Variants in HGF observed in about 807,000 individuals in gnomAD.
HGF encodes fibroblast-derived tumor cytotoxic factor.
HGF carries 39 observed loss-of-function variants against 111.6 expected under a neutral mutation model. The observed-to-expected ratio is 0.35, with a 90% confidence interval of 0.27 to 0.46. HGF has a LOEUF of 0.46. HGF is among the 20% of genes least tolerant of loss of function. The probability of loss-of-function intolerance (pLI) is 1.00; values close to 1 mark genes in which losing one functional copy is unlikely to be tolerated. For synonymous variants in HGF, 285 were observed against 294.8 expected, an observed-to-expected ratio of 0.97 and a Z score of 0.34; for missense variants, 735 against 910.5, an observed-to-expected ratio of 0.81 and a Z score of 2.48.
At chr7:81,762,893 T>TA (rs759970496) in intron 1 of HGF, 21 bp from the exon 2 acceptor site, 82 of 1,348,666 alleles carry the variant, frequency 6.1e-5, no homozygotes, top group Non-Finnish European at 7.8e-5. Flanking sequence ...CAAAATGTTT[T>TA]AAAAAAATAA....
intron 17 of HGF, among the ~76,000 whole-genome samples, chr7:81,703,408 T>C (rs1789339295): frequency 6.6e-6 from 1 of 151,106 alleles, no homozygotes; most frequent in Non-Finnish European, 1.5e-5. Context: ...TTATATTTTA[T>C]ACCCTCCTTT....
intron 1 of HGF, among the ~76,000 whole-genome samples, chr7:81,767,316 A>G (rs1789413125): frequency 6.6e-6 from 1 of 152,000 alleles, no homozygotes; most frequent in African/African-American, 2.4e-5. Flanking sequence ...AACACCACAT[A>G]GTTCATTCAC....
rs901406574 is a variant in HGF at position 81,752,275 on chromosome 7, T to G, written c.483-13A>C. 1 of 1,612,514 alleles carries G rather than the reference T, an allele frequency of 6.2e-7. No individual in the cohort carries two copies. Among genetic ancestry groups the G allele is most frequent in the Non-Finnish European group, 8.5e-7 (1 of 1,178,628 alleles). On this transcript the variant is annotated splice_polypyrimidine_tract_variant and intron_variant, in intron 4 of 17. Transcript: ENST00000222390. The stretch of plus-strand genomic sequence containing the variant: ...CGAAGGCAAAAAGCTAGTTTTAAAA[T>G]GATAATCATTACAGTATAAGAGCAT...
intron 4 of HGF, among the ~76,000 whole-genome samples, chr7:81,753,614 G>A (rs1389537909): frequency 1.3e-5 from 2 of 151,948 alleles, no homozygotes; most frequent in East Asian, 3.9e-4. Context: ...TTTGACATGA[G>A]TGTATTCTAG....
chr7:81,742,809 A>G (rs1208612523), intron 7 of HGF: 6 of 1,552,864 alleles, frequency 3.9e-6, no homozygotes, highest in Non-Finnish European at 5.2e-6. Flanking sequence ...GCTGGGTACA[A>G]AGACAGCGAG....
At chr7:81,761,343 C>T (rs1336849108) in intron 2 of HGF, among the ~76,000 whole-genome samples, 1 of 152,156 alleles carries the variant, frequency 6.6e-6, no homozygotes, top group South Asian at 2.1e-4. Flanking sequence ...AAATGGAAAG[C>T]AGACAGTCTT....
At chr7:81,762,329 G>T (rs1354315501) in intron 2 of HGF, among the ~76,000 whole-genome samples, 2 of 152,114 alleles carry the variant, frequency 1.3e-5, no homozygotes, top group African/African-American at 4.8e-5. Flanking sequence ...TTTGGCTGCT[G>T]CCCAAATTCT....
In HGF at chr7:81,699,816, C is replaced by A. The variant is rs1431937127; in HGVS notation, c.*2765G>T. ...AATTTTCTTGCCTTCCAGTGTCTCA[C>A]ACTTCCCATAATTTGAAACACTTAG... On this transcript the variant is annotated 3_prime_UTR_variant, in exon 18 of 18. Transcript: ENST00000222390. 1 of 151,642 alleles carries A rather than the reference C, an allele frequency of 6.6e-6. No individual in the cohort carries two copies. The highest frequency in any genetic ancestry group is 6.6e-5 in the Admixed American group (1 of 15,160). The allele number at this position is 151,642 out of a possible 1,614,324, so 9.4% of individuals were successfully genotyped here.
intron 11 of HGF, among the ~76,000 whole-genome samples, chr7:81,714,496 C>T (rs572711954): frequency 6.6e-6 from 1 of 152,016 alleles, no homozygotes; most frequent in African/African-American, 2.4e-5. Context: ...TGGTAACTTG[C>T]CCAAGGTACT....
intron 10 of HGF, among the ~76,000 whole-genome samples, 162 bp from the exon 11 acceptor site, chr7:81,717,527 G>T (rs1213919221): frequency 2.0e-5 from 3 of 152,024 alleles, no homozygotes; most frequent in Non-Finnish European, 4.4e-5. Context: ...GGTCTGTTTG[G>T]TTGCTACTGT....
chr7:81,733,823 C>T (rs1189567993), intron 7 of HGF, among the ~76,000 whole-genome samples: 1 of 152,110 alleles, frequency 6.6e-6, no homozygotes, highest in African/African-American at 2.4e-5. Context: ...AATGTTTGAT[C>T]TTTGCTGCTC....
rs1385677430 is a variant in HGF at position 81,701,669 on chromosome 7, C to A, written c.*912G>T. 1 of 151,472 alleles carries A rather than the reference C, an allele frequency of 6.6e-6. No homozygotes were observed. Among genetic ancestry groups the A allele is most frequent in the Non-Finnish European group, 1.5e-5 (1 of 67,642 alleles). The allele number at this position is 151,472 out of a possible 1,614,324, so 9.4% of individuals were successfully genotyped here. Reference sequence around the variant, plus strand: ...ACAAATATCTTGTGTAAATAAGTGGCCTTAAGTTTGGAGGAAACAAATTAC... The same window carrying A: ...ACAAATATCTTGTGTAAATAAGTGGACTTAAGTTTGGAGGAAACAAATTAC... On this transcript the variant is annotated 3_prime_UTR_variant, in exon 18 of 18. Transcript: ENST00000222390.
At chr7:81,747,100 A>G (rs1372894264) in intron 5 of HGF, among the ~76,000 whole-genome samples, 1 of 152,166 alleles carries the variant, frequency 6.6e-6, no homozygotes, top group African/African-American at 2.4e-5. Context: ...GCACTTTGGG[A>G]GGCCAAGATG....
intron 11 of HGF, among the ~76,000 whole-genome samples, chr7:81,711,746 C>T (rs1054749875): frequency 1.3e-5 from 2 of 152,170 alleles, no homozygotes; most frequent in East Asian, 1.9e-4. Flanking sequence ...CAGGTTCAAG[C>T]GATTCTCCTG....
In HGF at chr7:81,764,190, C is replaced by A. The variant is rs1041099526; in HGVS notation, c.89-1318G>T. ...GTGAGGTACCAAAAATGCCATCATA[C>A]TCTAAGTTTGTCAGCAACCACTGGC... On this transcript the variant is annotated intron_variant, in intron 1 of 17. Transcript: ENST00000222390. 5.3e-5 allele frequency among the ~76,000 whole-genome samples: 8 copies of A among 152,184 alleles called. No homozygotes were observed. In the South Asian group the frequency reaches 1.7e-3, roughly 32 times the overall value.
At chr7:81,722,539 G>A (rs185180405) in intron 9 of HGF, among the ~76,000 whole-genome samples, 37 of 151,768 alleles carry the variant, frequency 2.4e-4, no homozygotes, top group Non-Finnish European at 4.7e-4. Context: ...TTGGTCAGGC[G>A]CGGTGGCTCA....
intron 5 of HGF, among the ~76,000 whole-genome samples, chr7:81,745,502 T>C (rs1343459130): frequency 6.6e-6 from 1 of 152,188 alleles, no homozygotes; most frequent in Non-Finnish European, 1.5e-5. Context: ...CACAATAGTG[T>C]TTCTCTCTCA....
In HGF at chr7:81,699,412, A is replaced by G. The variant is rs1188164978; in HGVS notation, c.*3169T>C. On this transcript the variant is annotated 3_prime_UTR_variant, in exon 18 of 18. Coordinates refer to ENST00000222390, the MANE Select transcript of HGF (RefSeq NM_000601.6). ...ATGACAAGTGATTTATTTTAAAATT[A>G]TGTATTTTAAAAACAAAGGCCATGT... The G allele has an allele frequency of 6.6e-6, 1 of 151,610 alleles. No homozygotes were observed. Among genetic ancestry groups the G allele is most frequent in the Admixed American group, 6.6e-5 (1 of 15,166 alleles). The allele number at this position is 151,610 out of a possible 1,614,324, so 9.4% of individuals were successfully genotyped here.
At position 81,769,888 on chromosome 7, in the gene HGF, A is replaced by G. The variant is rs1279560054; in HGVS notation, c.84T>C (p.Tyr28=). The change falls in exon 1 of 18, where the codon TAT becomes TAC. Residue 28 remains tyrosine (Y), a synonymous_variant. Transcript: ENST00000222390. ...HLLLLPIAIP[Y]AEGQRKRRNT... Reference sequence around the variant, plus strand: ...AAGAAGAAGAAGGGAACTAACCTGCATAGGGGATGGCGATGGGGAGCAGGA... The same window carrying G: ...AAGAAGAAGAAGGGAACTAACCTGCGTAGGGGATGGCGATGGGGAGCAGGA... The G allele has an allele frequency of 2.6e-6, 4 of 1,564,294 alleles. No homozygotes were observed. Among genetic ancestry groups the G allele is most frequent in the African/African-American group, 1.4e-5 (1 of 73,884 alleles).
Sources: allele counts gnomAD v4.1 joint callset (sites outside exome capture counted in the v4.1 genomes callset), GRCh38; gene constraint gnomAD v4.1.1; transcripts MANE v1.5; gene names NCBI Gene and HGNC (gene_info 2026-07-23, HGNC 2026-07-21).